The following CHL1 variants were observed in gnomAD, a reference collection of about 807,000 sequenced individuals.
CHL1 encodes neural cell adhesion molecule L1-like protein.
In CHL1, 96 loss-of-function variants were observed where a neutral mutation model predicts 141.9. That is an observed-to-expected ratio of 0.68 (90% confidence interval 0.57 to 0.80). CHL1 has a LOEUF of 0.80. Among genes scored for constraint, CHL1 ranks in the 30% least tolerant of loss-of-function variants. CHL1 has a pLI of 0.00. For missense variants in CHL1, 1,820 were observed against 1,457.2 expected (o/e 1.25, Z -4.05); for synonymous variants, 613 against 502.2 (o/e 1.22, Z -2.95).
intron 11 of CHL1, among the ~76,000 whole-genome samples, chr3:357,007 G>A (rs925048640): frequency 1.3e-5 from 2 of 152,328 alleles, no homozygotes; most frequent in African/African-American, 4.8e-5. Flanking sequence ...GAGGCTCTGC[G>A]CTCAGGGCTA....
chr3:283,914 T>C (rs1420891077), intron 2 of CHL1, among the ~76,000 whole-genome samples: 1 of 152,242 alleles, frequency 6.6e-6, no homozygotes, highest in African/African-American at 2.4e-5. Context: ...AAAATAAATG[T>C]TAACAATGAC....
intron 5 of CHL1, among the ~76,000 whole-genome samples, chr3:337,847 C>G (rs1702032485): frequency 6.6e-6 from 1 of 152,116 alleles, no homozygotes; most frequent in Non-Finnish European, 1.5e-5. Context: ...GTGCATGTGT[C>G]TTCATAGCAG....
chr3:212,774 T>C (rs1700006814), intron 1 of CHL1, among the ~76,000 whole-genome samples: 1 of 152,164 alleles, frequency 6.6e-6, no homozygotes, highest in Non-Finnish European at 1.5e-5. Flanking sequence ...TTCTCAAAGC[T>C]CCTGTCTTTT....
intron 13 of CHL1, among the ~76,000 whole-genome samples, chr3:362,147 T>C (rs541151903): frequency 6.4e-4 from 98 of 152,322 alleles, no homozygotes; most frequent in African/African-American, 2.2e-3. Context: ...ATTGTTGTTG[T>C]TTTGGGATTA....
chr3:403,363 C>T (rs571829593), intron 27 of CHL1, among the ~76,000 whole-genome samples: 1 of 152,152 alleles, frequency 6.6e-6, no homozygotes, highest in South Asian at 2.1e-4. Flanking sequence ...AAGTTTAGCT[C>T]ACAACTCAAA....
At chr3:332,130 G>C (rs570661036) in intron 5 of CHL1, among the ~76,000 whole-genome samples, 32 of 152,182 alleles carry the variant, frequency 2.1e-4, no homozygotes, top group African/African-American at 7.2e-4. Context: ...TGGTCACATT[G>C]TTTATATTTA....
rs1286737181 is a variant in CHL1, at chr3:226,407, T to C, written c.-174-18206T>C. Among the ~76,000 whole-genome samples, 4 of 147,714 alleles carry C rather than the reference T, an allele frequency of 2.7e-5. No homozygotes were observed. The South Asian group carries it at 8.4e-4, about 31-fold the overall frequency. On this transcript the variant is annotated intron_variant, in intron 1 of 27. Coordinates refer to ENST00000256509, the MANE Select transcript of CHL1 (RefSeq NM_006614.4). ...ATATACTTATATATTATATAATATA[T>C]AATTATACACACATATATATTTTTT...
At chr3:320,296 T>C (rs971238515) in intron 3 of CHL1, among the ~76,000 whole-genome samples, 2 of 151,940 alleles carry the variant, frequency 1.3e-5, no homozygotes, top group African/African-American at 2.4e-5. Context: ...TATTTAAGAA[T>C]GAAAACAATG....
At chr3:359,014 A>T (rs981224597) in intron 11 of CHL1, among the ~76,000 whole-genome samples, 3 of 147,790 alleles carry the variant, frequency 2.0e-5, no homozygotes, top group African/African-American at 7.4e-5. Flanking sequence ...TATATAATAT[A>T]ATAATATATA....
rs1385262859 is a variant in CHL1 at position 406,967 on chromosome 3, T to C, written c.*1256T>C. The C allele has an allele frequency of 6.6e-6, 1 of 152,182 alleles. No individual in the cohort carries two copies. The highest frequency in any genetic ancestry group is 1.5e-5 in the Non-Finnish European group (1 of 68,018). 9.4% of individuals were successfully genotyped at this position (152,182 alleles called of 1,614,324 possible). ...AAATTCCTACACATACGTTTGCGTA[T>C]ATGTTATTTTAAACATCTTTGTGGT... On this transcript the variant is annotated 3_prime_UTR_variant, in exon 28 of 28. Coordinates refer to ENST00000256509, the MANE Select transcript of CHL1 (RefSeq NM_006614.4).
chr3:308,643 A>G (rs1273463878), intron 2 of CHL1: 1 of 150,112 alleles, frequency 6.7e-6, no homozygotes, highest in Non-Finnish European at 1.5e-5. Context: ...AATGATATCT[A>G]TATTATATAA....
intron 15 of CHL1, among the ~76,000 whole-genome samples, chr3:370,805 G>T (rs927132306): frequency 6.6e-6 from 1 of 152,142 alleles, no homozygotes; most frequent in African/African-American, 2.4e-5. Context: ...GATACATTGT[G>T]TCTTTGTTCT....
In CHL1 at chr3:396,876, A is replaced by C. The variant is rs142834931; in HGVS notation, c.3095-1351A>C. On this transcript the variant is annotated intron_variant, in intron 24 of 27. Coordinates refer to ENST00000256509, the MANE Select transcript of CHL1 (RefSeq NM_006614.4). ...TTGAAAAAAATATATATTTCCAATG[A>C]GGAGAGATACATCTTGTTATCAGTC... Among the ~76,000 whole-genome samples the C allele has an allele frequency of 5.4e-3, 815 of 152,294 alleles. 5 individuals carry two copies. The highest frequency in any genetic ancestry group is 8.0e-3 in the Admixed American group (123 of 15,300).
chr3:305,384 C>T (rs1171947550), intron 2 of CHL1, among the ~76,000 whole-genome samples: 1 of 151,836 alleles, frequency 6.6e-6, no homozygotes, highest in Non-Finnish European at 1.5e-5. Flanking sequence ...AATATATATC[C>T]AATAAATGAA....
intron 1 of CHL1, chr3:217,767 A>G (rs978701678): frequency 6.6e-6 from 1 of 152,228 alleles, no homozygotes; most frequent in Non-Finnish European, 1.5e-5. Context: ...TAAGTGCAGT[A>G]TAGGAACTTC....
intron 3 of CHL1, among the ~76,000 whole-genome samples, chr3:321,200 G>T (rs1445634592): frequency 6.6e-6 from 1 of 152,008 alleles, no homozygotes; most frequent in African/African-American, 2.4e-5. Flanking sequence ...TGAAATTGTA[G>T]TTCCATCCCC....
intron 23 of CHL1, among the ~76,000 whole-genome samples, chr3:392,102 A>G (rs80184755): frequency 0.014 from 2,131 of 152,374 alleles, 40 homozygotes; most frequent in African/African-American, 0.048. Flanking sequence ...TACAAAGGCT[A>G]AATGTTTACC....
At chr3:375,380 T>C (rs1050776707) in intron 15 of CHL1, among the ~76,000 whole-genome samples, 4 of 151,808 alleles carry the variant, frequency 2.6e-5, no homozygotes, top group Admixed American at 6.6e-5. Flanking sequence ...GAAAGGGCAT[T>C]GAGAATCCAG....
chr3:220,079 G>A (rs535501951), intron 1 of CHL1, among the ~76,000 whole-genome samples: 54 of 152,262 alleles, frequency 3.5e-4, no homozygotes, highest in African/African-American at 1.3e-3. Flanking sequence ...CATACTGTGG[G>A]ATTTCATTTA....
Sources: gnomAD v4.1 joint callset for allele counts (sites outside exome capture counted in the v4.1 genomes callset) on GRCh38, gnomAD v4.1.1 for gene constraint, MANE v1.5 for transcripts, NCBI Gene and HGNC (gene_info 2026-07-23, HGNC 2026-07-21) for gene names.